Variants in CCSER1 observed in about 807,000 individuals in gnomAD.
CCSER1 encodes the protein coiled-coil serine rich protein 1, also known as serine-rich coiled-coil domain-containing protein 1.
A neutral mutation model predicts 82.0 loss-of-function variants in CCSER1; 41 were observed. The observed-to-expected ratio is 0.50, with a 90% CI of 0.39 to 0.65. The LOEUF (loss-of-function observed/expected upper bound fraction) is 0.65. Ranked by LOEUF, CCSER1 falls within the 30% of genes least tolerant of loss-of-function variation. The pLI is 0.00. For synonymous variants in CCSER1, 414 were observed against 383.9 expected (o/e 1.08, Z -0.92); for missense variants, 1,119 against 1,064.2 (o/e 1.05, Z -0.72).
intron 7 of CCSER1, among the ~76,000 whole-genome samples, chr4:90,800,348 C>T (rs568531411): frequency 9.9e-5 from 15 of 152,170 alleles, no homozygotes; most frequent in South Asian, 2.1e-4. Context: ...GGAAATCTTC[C>T]GCCTTGTCTT....
chr4:91,161,733 T>C (rs12498970), intron 10 of CCSER1, among the ~76,000 whole-genome samples: 1 of 151,460 alleles, frequency 6.6e-6, no homozygotes, highest in Admixed American at 6.6e-5. Flanking sequence ...GGAATGCGTG[T>C]GATTTTTGCA....
At chr4:90,431,863 C>T (rs1758316199) in intron 4 of CCSER1, among the ~76,000 whole-genome samples, 1 of 152,098 alleles carries the variant, frequency 6.6e-6, no homozygotes, top group Admixed American at 6.6e-5. Context: ...CATTTGTCAT[C>T]AGTCCTTCCA....
Position 90,777,751 on chromosome 4 carries a change from A to G in CCSER1, c.2011-38011A>G, listed in dbSNP as rs189645897. Among the ~76,000 whole-genome samples, 688 of 152,268 alleles carry G rather than the reference A, an allele frequency of 4.5e-3. 5 individuals are homozygous for G. The highest frequency in any genetic ancestry group is 0.016 in the African/African-American group (662 of 41,566). On this transcript the variant is annotated intron_variant, in intron 7 of 10. Coordinates refer to ENST00000509176, the MANE Select transcript of CCSER1 (RefSeq NM_001145065.2). ...ACCAAGAATTTTCAGCGTATTGTACATGTGTTATGAGGCAATATAACATCA... is the reference window on the plus strand; with the variant it reads ...ACCAAGAATTTTCAGCGTATTGTACGTGTGTTATGAGGCAATATAACATCA...
intron 7 of CCSER1, chr4:90,725,027 C>T: frequency 2.3e-6 from 1 of 437,470 alleles, no homozygotes; most frequent in South Asian, 1.6e-5. Flanking sequence ...TGTTAGAAGG[C>T]CCTTTCTATA....
At chr4:91,448,758 A>G (rs1224335695) in intron 10 of CCSER1, among the ~76,000 whole-genome samples, 1 of 152,142 alleles carries the variant, frequency 6.6e-6, no homozygotes, top group African/African-American at 2.4e-5. Context: ...TAATTAATTT[A>G]TTCATTCAAC....
At chr4:90,257,032 C>CG (rs143479097) in intron 1 of CCSER1, among the ~76,000 whole-genome samples, 117 of 151,664 alleles carry the variant, frequency 7.7e-4, no homozygotes, top group African/African-American at 2.6e-3. Context: ...GCATCCACTG[C>CG]GGGGGGGTCT....
At chr4:91,153,076 G>A (rs982589856) in intron 10 of CCSER1, among the ~76,000 whole-genome samples, 5 of 151,980 alleles carry the variant, frequency 3.3e-5, no homozygotes, top group Non-Finnish European at 7.4e-5. Flanking sequence ...ATTTGGGGAA[G>A]TTCTCCTGGA....
At chr4:90,988,775 A>C (rs1391793124) in intron 9 of CCSER1, among the ~76,000 whole-genome samples, 1 of 151,826 alleles carries the variant, frequency 6.6e-6, no homozygotes, top group Non-Finnish European at 1.5e-5. Context: ...ACTTATTTTA[A>C]GCTTTGATAA....
At chr4:91,465,905 G>A (rs1191855292) in intron 10 of CCSER1, among the ~76,000 whole-genome samples, 1 of 152,132 alleles carries the variant, frequency 6.6e-6, no homozygotes, top group East Asian at 1.9e-4. Flanking sequence ...TGGATTCACA[G>A]CCGAATTCTA....
intron 3 of CCSER1, among the ~76,000 whole-genome samples, chr4:90,336,758 A>C (rs995402569): frequency 1.3e-5 from 2 of 152,200 alleles, no homozygotes; most frequent in Non-Finnish European, 1.5e-5. Flanking sequence ...TACTTTGCTA[A>C]AGTGAATCCA....
At chr4:91,549,298 TA>T (rs1434085070) in intron 10 of CCSER1, among the ~76,000 whole-genome samples, 6 of 152,188 alleles carry the variant, frequency 3.9e-5, no homozygotes. Flanking sequence ...CTTAGCATAT[TA>T]ATCATAGTTT....
At chr4:91,585,854 C>A (rs576567400) in intron 10 of CCSER1, among the ~76,000 whole-genome samples, 1 of 151,608 alleles carries the variant, frequency 6.6e-6, no homozygotes, top group East Asian at 1.9e-4. Flanking sequence ...TGATGTAGGC[C>A]ATTACAAGAA....
intron 9 of CCSER1, among the ~76,000 whole-genome samples, chr4:91,068,396 A>G (rs10009574): frequency 0.22 from 33,724 of 152,188 alleles, 4,141 homozygotes; most frequent in African/African-American, 0.32. Context: ...TTTCTGACTT[A>G]CAGTCTGAGA....
In CCSER1 at chr4:90,359,637, C is replaced by A. The variant is rs146910899; in HGVS notation, c.1510-40399C>A. ...CCTGTAATCCCAGCTACTTGGGAGG[C>A]TAAGGCAGAGAATTGCTTAAAACCA... is the stretch of plus-strand genomic sequence containing the variant. On this transcript the variant is annotated intron_variant, in intron 3 of 10. Transcript: ENST00000509176. 4.8e-4 allele frequency among the ~76,000 whole-genome samples: 73 copies of A among 151,728 alleles called. 2 individuals are homozygous for A. In the East Asian group the frequency reaches 0.014, roughly 29 times the overall value.
At chr4:90,252,077 G>A (rs116350289) in intron 1 of CCSER1, among the ~76,000 whole-genome samples, 1,738 of 151,916 alleles carry the variant, frequency 0.011, 41 homozygotes, top group African/African-American at 0.039. Flanking sequence ...TTTAAATACA[G>A]GTTGAGTATC....
At chr4:90,442,518 G>A (rs536244566) in intron 4 of CCSER1, among the ~76,000 whole-genome samples, 1 of 152,264 alleles carries the variant, frequency 6.6e-6, no homozygotes, top group East Asian at 1.9e-4. Context: ...TTATAAATTT[G>A]AGTATCTGGG....
intron 10 of CCSER1, among the ~76,000 whole-genome samples, chr4:91,237,537 C>T (rs1181461459): frequency 6.6e-6 from 1 of 152,036 alleles, no homozygotes; most frequent in Admixed American, 6.5e-5. Context: ...ATTATTTCAA[C>T]CTCTAAAAAT....
intron 9 of CCSER1, among the ~76,000 whole-genome samples, chr4:91,069,373 A>G (rs1490008820): frequency 6.6e-6 from 1 of 151,946 alleles, no homozygotes; most frequent in Non-Finnish European, 1.5e-5. Context: ...TTTCTGAATG[A>G]ATTTGAATGG....
At position 91,417,945 on chromosome 4, in the gene CCSER1, C is replaced by T. The variant is rs549458472; in HGVS notation, c.2218-180627C>T. 1.6e-3 allele frequency among the ~76,000 whole-genome samples: 246 copies of T among 152,156 alleles called. 1 individual carries two copies. The highest frequency in any genetic ancestry group is 5.5e-3 in the African/African-American group (228 of 41,502). On this transcript the variant is annotated intron_variant, in intron 10 of 10. Transcript: ENST00000509176. ...AAATTTAAGAAGCTTGAAATCATAT[C>T]AAGTATCTTTTCTGACCACACTGTT...
Sources: gnomAD v4.1 joint callset for allele counts (sites outside exome capture counted in the v4.1 genomes callset) on GRCh38, gnomAD v4.1.1 for gene constraint, MANE v1.5 for transcripts, NCBI Gene and HGNC (gene_info 2026-07-23, HGNC 2026-07-21) for gene names.